KCNH8: variants seen among roughly 807,000 people sequenced by gnomAD.
The protein encoded by KCNH8 is potassium voltage-gated channel subfamily H member 8, also known as voltage-gated delayed rectifier potassium channel KCNH8.
KCNH8 carries 70 observed loss-of-function variants against 103.6 expected under a neutral mutation model. The ratio of observed to expected loss-of-function variants is 0.68; its 90% CI spans 0.56 to 0.82. The LOEUF (loss-of-function observed/expected upper bound fraction) is 0.82. Among genes scored for constraint, KCNH8 ranks in the 40% least tolerant of loss-of-function variants. KCNH8 has a pLI of 0.00. For synonymous variants in KCNH8, 498 were observed against 489.4 expected (o/e 1.02, Z -0.23); for missense variants, 1,217 against 1,329.9 (o/e 0.92, Z 1.32).
At chr3:19,436,416 A>G (rs940271629) in intron 7 of KCNH8, among the ~76,000 whole-genome samples, 2 of 152,210 alleles carry the variant, frequency 1.3e-5, no homozygotes, top group Non-Finnish European at 2.9e-5. Context: ...GTACAGTCAC[A>G]TGTTGTCTTG....
At chr3:19,332,868 A>G (rs552830870) in intron 3 of KCNH8, among the ~76,000 whole-genome samples, 227 of 152,124 alleles carry the variant, frequency 1.5e-3, no homozygotes, top group African/African-American at 5.1e-3. Context: ...CCTGACCTCA[A>G]GTGATCCGCC....
intron 5 of KCNH8, among the ~76,000 whole-genome samples, chr3:19,377,703 A>C (rs2066230911): frequency 6.6e-6 from 1 of 152,186 alleles, no homozygotes; most frequent in Non-Finnish European, 1.5e-5. Context: ...TTGAAAAAGA[A>C]AAACTTATTT....
rs544076267 is a variant in KCNH8 at position 19,263,613 on chromosome 3, G to A, written c.310+9726G>A. On this transcript the variant is annotated intron_variant, in intron 2 of 15. Transcript: ENST00000328405. Reference sequence around the variant, plus strand: ...GGTTTGGGTAGTCGCTAGTCTGGTAGTCTAGTGTTTCATGAACCAGGCAGA... The same window carrying A: ...GGTTTGGGTAGTCGCTAGTCTGGTAATCTAGTGTTTCATGAACCAGGCAGA... 2.0e-5 allele frequency among the ~76,000 whole-genome samples: 3 copies of A among 152,240 alleles called. No individual in the cohort carries two copies. In the East Asian group the frequency reaches 5.8e-4, roughly 29 times the overall value.
At chr3:19,239,022 A>G (rs1326315085) in intron 1 of KCNH8, among the ~76,000 whole-genome samples, 1 of 152,246 alleles carries the variant, frequency 6.6e-6, no homozygotes, top group Non-Finnish European at 1.5e-5. Flanking sequence ...TGATTCTTAC[A>G]TCACGATTCA....
At chr3:19,499,942 T>C (rs2068537763) in intron 11 of KCNH8, among the ~76,000 whole-genome samples, 1 of 152,036 alleles carries the variant, frequency 6.6e-6, no homozygotes. Context: ...CATAACAATA[T>C]TAACTTTAAA....
chr3:19,175,886 T>G (rs573589428), intron 1 of KCNH8, among the ~76,000 whole-genome samples: 1 of 152,298 alleles, frequency 6.6e-6, no homozygotes, highest in South Asian at 2.1e-4. Flanking sequence ...CTATTTATAT[T>G]TAGATTTGAA....
chr3:19,186,759 T>G (rs956307956), intron 1 of KCNH8, among the ~76,000 whole-genome samples: 3 of 152,006 alleles, frequency 2.0e-5, no homozygotes, highest in Non-Finnish European at 2.9e-5. Flanking sequence ...AGCAAAATAA[T>G]GTTGAAATCA....
chr3:19,351,866 G>A (rs568826351), intron 5 of KCNH8, among the ~76,000 whole-genome samples: 29 of 152,206 alleles, frequency 1.9e-4, no homozygotes, highest in African/African-American at 6.7e-4. Context: ...ATAATGACAG[G>A]ATCAAATTCA....
intron 1 of KCNH8, among the ~76,000 whole-genome samples, chr3:19,158,439 A>C (rs2063202280): frequency 6.6e-6 from 1 of 151,606 alleles, no homozygotes; most frequent in African/African-American, 2.4e-5. Flanking sequence ...ACTTATTTGG[A>C]AGTCTGTATG....
chr3:19,507,382 C>T (rs954696490), intron 11 of KCNH8, among the ~76,000 whole-genome samples: 5 of 152,100 alleles, frequency 3.3e-5, no homozygotes, highest in Admixed American at 1.3e-4. Flanking sequence ...ATCTGTGGTC[C>T]GGAGCCAGAA....
chr3:19,425,580 G>A (rs1329329862), intron 7 of KCNH8, among the ~76,000 whole-genome samples: 1 of 152,194 alleles, frequency 6.6e-6, no homozygotes, highest in Non-Finnish European at 1.5e-5. Context: ...CTGGTTCAAG[G>A]AAAGTCTCCC....
intron 7 of KCNH8, among the ~76,000 whole-genome samples, chr3:19,398,115 G>A (rs890204022): frequency 6.6e-6 from 1 of 151,852 alleles, no homozygotes; most frequent in Non-Finnish European, 1.5e-5. Flanking sequence ...TTTCCCAAAG[G>A]ATAAAATTTC....
At chr3:19,488,009 A>T (rs185977857) in intron 11 of KCNH8, among the ~76,000 whole-genome samples, 2 of 152,232 alleles carry the variant, frequency 1.3e-5, no homozygotes, top group East Asian at 1.9e-4. Flanking sequence ...ATTGACCAAA[A>T]ACTTAATGTC....
At chr3:19,441,094 G>A (rs1289878922) in intron 8 of KCNH8, among the ~76,000 whole-genome samples, 3 of 152,090 alleles carry the variant, frequency 2.0e-5, no homozygotes, top group African/African-American at 7.2e-5. Context: ...CAGTGGAGGC[G>A]GGCACCTCAG....
chr3:19,297,847 G>A (rs186660169), intron 3 of KCNH8, among the ~76,000 whole-genome samples: 2 of 152,300 alleles, frequency 1.3e-5, no homozygotes, highest in African/African-American at 4.8e-5. Flanking sequence ...ATGAGAACTT[G>A]AAAGCTGCAG....
At chr3:19,475,456 C>G (rs1258265765) in intron 11 of KCNH8, among the ~76,000 whole-genome samples, 1 of 152,142 alleles carries the variant, frequency 6.6e-6, no homozygotes, top group African/African-American at 2.4e-5. Context: ...TGTGATAACT[C>G]TAAATGCTTG....
At chr3:19,292,346 T>C (rs929365026) in intron 3 of KCNH8, among the ~76,000 whole-genome samples, 2 of 152,190 alleles carry the variant, frequency 1.3e-5, no homozygotes, top group Admixed American at 6.5e-5. Context: ...TCTTTAGTGG[T>C]AATACAAATC....
chr3:19,253,564 A>T (rs2064306086), intron 1 of KCNH8, 90 bp from the exon 2 acceptor site: 2 of 1,045,780 alleles, frequency 1.9e-6, no homozygotes, highest in Non-Finnish European at 2.9e-6. Flanking sequence ...GCAGCTAGCT[A>T]AACACATATG....
chr3:19,282,679 A>G (rs1221902238), intron 3 of KCNH8, among the ~76,000 whole-genome samples: 1 of 152,104 alleles, frequency 6.6e-6, no homozygotes, highest in Admixed American at 6.6e-5. Flanking sequence ...AAATTCCTTA[A>G]TTATCTTTGT....
Sources: allele counts gnomAD v4.1 joint callset (sites outside exome capture counted in the v4.1 genomes callset), GRCh38; gene constraint gnomAD v4.1.1; transcripts MANE v1.5; gene names NCBI Gene and HGNC (gene_info 2026-07-23, HGNC 2026-07-21).